Variants in CCSER2 observed in about 807,000 individuals in gnomAD.
The protein encoded by CCSER2 is coiled-coil serine rich protein 2, also known as serine-rich coiled-coil domain-containing protein 2.
CCSER2 carries 46 observed loss-of-function variants against 92.3 expected under a neutral mutation model. That is an observed-to-expected ratio of 0.50 (90% CI 0.39 to 0.64). CCSER2 has a LOEUF of 0.64. CCSER2 is among the 30% of genes least tolerant of loss of function. CCSER2 has a pLI of 0.00. For synonymous variants in CCSER2, 433 were observed against 431.4 expected, an observed-to-expected ratio of 1.00 and a Z score of -0.04; for missense variants, 1,244 against 1,238.9, an observed-to-expected ratio of 1.00 and a Z score of -0.06.
At position 84,357,607 on chromosome 10, in the gene CCSER2, G is replaced by A. The variant is rs192654430; in HGVS notation, c.-39-13407G>A. ...TGGGACTACAGGTGCCTGCCACCTC[G>A]CCCGGCTAATTTTTTTGTGTTTTTA... On this transcript the variant is annotated intron_variant, in intron 1 of 9. Transcript: ENST00000372088. Among the ~76,000 whole-genome samples, 11 of 151,958 alleles carry A rather than the reference G, an allele frequency of 7.2e-5. No homozygotes were observed. The East Asian group carries it at 2.1e-3, about 29-fold the overall frequency.
chr10:84,464,008 G>A lies in CCSER2; in HGVS notation c.2140G>A (p.Val714Ile). 1 of 1,591,496 alleles carries A rather than the reference G, an allele frequency of 6.3e-7. No homozygotes were observed. The highest frequency in any genetic ancestry group is 1.3e-5 in the African/African-American group (1 of 74,576). ...SSPEPEDGDK[V>I]YKNEDLLNEI... Reference sequence around the variant, plus strand: ...TCCAGAACCAGAAGATGGTGATAAAGTATATAAGGTATGACTATGTAGTCA... The same window carrying A: ...TCCAGAACCAGAAGATGGTGATAAAATATATAAGGTATGACTATGTAGTCA... The change falls in exon 7 of 10, where the codon GTA (valine) becomes ATA (isoleucine). Residue 714 changes from valine (V) to isoleucine (I), a missense_variant. By Grantham distance (29) the Val-to-Ile change is conservative. Transcript: ENST00000372088.
intron 9 of CCSER2, among the ~76,000 whole-genome samples, chr10:84,491,772 A>T (rs1848183247): frequency 6.6e-6 from 1 of 152,100 alleles, no homozygotes; most frequent in African/African-American, 2.4e-5. Context: ...AACAAGCCCC[A>T]GTGAGATGAA....
chr10:84,406,170 G>C lies in CCSER2; in HGVS notation c.1615-11601G>C, dbSNP rs181237031. Reference sequence around the variant, plus strand: ...GAGTGAATGAAGTCATTCTCAAAATGTTACATGCTGTATGATTCCATTTAT... The same window carrying C: ...GAGTGAATGAAGTCATTCTCAAAATCTTACATGCTGTATGATTCCATTTAT... On this transcript the variant is annotated intron_variant, in intron 3 of 9. Transcript: ENST00000372088. 5.3e-5 allele frequency among the ~76,000 whole-genome samples: 8 copies of C among 152,296 alleles called. No individual in the cohort carries two copies. In the East Asian group the frequency reaches 1.5e-3, roughly 29 times the overall value.
At chr10:84,429,389 A>G (rs917763634) in intron 5 of CCSER2, among the ~76,000 whole-genome samples, 1 of 152,132 alleles carries the variant, frequency 6.6e-6, no homozygotes, top group African/African-American at 2.4e-5. Context: ...CAACTTCACT[A>G]TATATTGTAG....
chr10:84,504,509 G>A (rs1295319452), intron 9 of CCSER2, among the ~76,000 whole-genome samples: 1 of 152,122 alleles, frequency 6.6e-6, no homozygotes, highest in Non-Finnish European at 1.5e-5. Flanking sequence ...CGACTGCACT[G>A]TCTCAGTTTA....
At chr10:84,505,775 T>G (rs1362607064) in intron 9 of CCSER2, among the ~76,000 whole-genome samples, 1 of 152,140 alleles carries the variant, frequency 6.6e-6, no homozygotes, top group African/African-American at 2.4e-5. Flanking sequence ...TCCACAAACG[T>G]AGGCATGGGT....
intron 4 of CCSER2, among the ~76,000 whole-genome samples, chr10:84,421,721 A>G (rs958792110): frequency 1.3e-5 from 2 of 152,194 alleles, no homozygotes; most frequent in Admixed American, 6.5e-5. Flanking sequence ...TGACACACCT[A>G]TAACAAAAGA....
Position 84,373,701 on chromosome 10 carries a change from ACT to A in CCSER2, c.1506_1507del (p.Pro503IlefsTer2). Reference protein sequence around the residue: ...TDYRAGSSFELSPSDSSDGTY... With the variant: ...TDYRAGSSFEXSPSDSSDGTY... ...ACTACAGAGCTGGTTCTTCGTTTGA[ACT>A]CTCTCCATCTGATAGCTCTGATGGA... On this transcript the variant is annotated frameshift_variant, in exon 3 of 10. Coordinates refer to ENST00000372088, the MANE Select transcript of CCSER2 (RefSeq NM_001284240.2). LOFTEE classifies it high-confidence loss of function. 6.2e-7 allele frequency: 1 copy of A among 1,613,500 alleles called. No individual in the cohort carries two copies. The highest frequency in any genetic ancestry group is 1.7e-5 in the Admixed American group (1 of 59,922).
In CCSER2 at chr10:84,392,015, A is replaced by G. The variant is rs1366040608; in HGVS notation, c.1614+18200A>G. 12 of 1,292,340 alleles carry G rather than the reference A, an allele frequency of 9.3e-6. No individual in the cohort carries two copies. In the East Asian group the frequency reaches 2.8e-4, roughly 30 times the overall value. 80.1% of individuals were successfully genotyped at this position (1,292,340 alleles called of 1,614,324 possible). A position where few individuals can be genotyped will look rare whatever the true frequency, so the allele number is the denominator to read the frequency against. On this transcript the variant is annotated intron_variant, in intron 3 of 9. Transcript: ENST00000372088. Reference sequence around the variant, plus strand: ...TCTCTGACCAGTTTCCTCTTCCCTTAAAAAGAGCGTCTTGCAGCTGTTTAT... The same window carrying G: ...TCTCTGACCAGTTTCCTCTTCCCTTGAAAAGAGCGTCTTGCAGCTGTTTAT...
Position 84,372,155 on chromosome 10 carries a change from T to C in CCSER2, c.1103T>C (p.Ile368Thr), listed in dbSNP as rs1394080046. 1 of 1,613,542 alleles carries C rather than the reference T, an allele frequency of 6.2e-7. No individual in the cohort carries two copies. The highest frequency in any genetic ancestry group is 8.5e-7 in the Non-Finnish European group (1 of 1,179,770). Residue 368 changes from isoleucine to threonine, a missense_variant, in exon 2 of 10, where the codon ATT (isoleucine) becomes ACT (threonine). By Grantham distance (89) the Ile-to-Thr change is moderately conservative. Transcript: ENST00000372088. ...GCTGCTAATAAGGACCAAGAACTGA[T>C]TGAAAATGAAAGTTATAGAACAAAA... is the stretch of plus-strand genomic sequence containing the variant. Reference protein sequence around the residue: ...DRAANKDQELIENESYRTKNN... With the variant: ...DRAANKDQELTENESYRTKNN...
intron 5 of CCSER2, among the ~76,000 whole-genome samples, chr10:84,436,680 G>C (rs981828490): frequency 7.9e-5 from 12 of 151,594 alleles, no homozygotes; most frequent in Non-Finnish European, 1.8e-4. Flanking sequence ...GCGGGAGGCA[G>C]GTGTGTTGAG....
At chr10:84,347,267 G>A (rs1454348795) in intron 1 of CCSER2, among the ~76,000 whole-genome samples, 3 of 152,176 alleles carry the variant, frequency 2.0e-5, no homozygotes, top group Non-Finnish European at 4.4e-5. Context: ...TCGTCATCAT[G>A]GCCTGTTCTC....
At chr10:84,406,493 C>T (rs913379513) in intron 3 of CCSER2, among the ~76,000 whole-genome samples, 7 of 152,228 alleles carry the variant, frequency 4.6e-5, no homozygotes, top group East Asian at 1.9e-4. Context: ...ACTGACCCAC[C>T]GTCTCACAGT....
chr10:84,360,003 G>A (rs1174278771), intron 1 of CCSER2, among the ~76,000 whole-genome samples: 1 of 151,910 alleles, frequency 6.6e-6, no homozygotes, highest in African/African-American at 2.4e-5. Context: ...TAGTAGAGAT[G>A]GGGTTTCACC....
At chr10:84,492,756 C>T (rs1381730804) in intron 9 of CCSER2, among the ~76,000 whole-genome samples, 1 of 152,158 alleles carries the variant, frequency 6.6e-6, no homozygotes, top group Non-Finnish European at 1.5e-5. Context: ...GTTGATTGCA[C>T]TGATTGATTT....
rs1450908209 is a variant in CCSER2 at position 84,514,355 on chromosome 10, T to C, written c.*88T>C. ...TGCAGCTTGCAGCTTGCTACTGTGGTGGAGGTTCCATTGAAAGCCTGCAAA... is the reference window on the plus strand; with the variant it reads ...TGCAGCTTGCAGCTTGCTACTGTGGCGGAGGTTCCATTGAAAGCCTGCAAA... On this transcript the variant is annotated 3_prime_UTR_variant, in exon 10 of 10. Coordinates refer to ENST00000372088, the MANE Select transcript of CCSER2 (RefSeq NM_001284240.2). 2.1e-6 allele frequency: 2 copies of C among 931,044 alleles called. No homozygotes were observed. Among genetic ancestry groups the C allele is most frequent in the Non-Finnish European group, 3.1e-6 (2 of 638,776 alleles). The allele number at this position is 931,044 out of a possible 1,614,324, so 57.7% of individuals were successfully genotyped here. A position where few individuals can be genotyped will look rare whatever the true frequency, so the allele number is the denominator to read the frequency against.
chr10:84,488,347 T>A (rs1847934693), intron 9 of CCSER2, among the ~76,000 whole-genome samples: 2 of 152,210 alleles, frequency 1.3e-5, no homozygotes, highest in African/African-American at 4.8e-5. Context: ...CTGGTAGAAT[T>A]CGGCTGTGAA....
At chr10:84,334,086 G>A (rs967583341) in intron 1 of CCSER2, among the ~76,000 whole-genome samples, 4 of 152,152 alleles carry the variant, frequency 2.6e-5, no homozygotes, top group Non-Finnish European at 5.9e-5. Flanking sequence ...GGGAGGATGG[G>A]GGAAGAGCCA....
Position 84,438,684 on chromosome 10 carries a change from A to G in CCSER2, c.2041A>G (p.Lys681Glu). The stretch of plus-strand genomic sequence containing the variant: ...CACTGCTGTAAAAACTCAGTTACTC[A>G]AACTGAAACGTCTCCTGCATCAGGT... ...DCTAVKTQLL[K>E]LKRLLHQHDG... The change falls in exon 6 of 10, where the codon AAA (lysine) becomes GAA (glutamate). Residue 681 changes from lysine to glutamate, a missense_variant. Physicochemically the swap from Lys to Glu is moderately conservative, Grantham distance 56. Transcript: ENST00000372088. 6.2e-7 allele frequency: 1 copy of G among 1,606,966 alleles called. No individual in the cohort carries two copies. The highest frequency in any genetic ancestry group is 1.7e-4 in the Middle Eastern group (1 of 6,028).
Sources: allele counts gnomAD v4.1 joint callset (sites outside exome capture counted in the v4.1 genomes callset), GRCh38; gene constraint gnomAD v4.1.1; transcripts MANE v1.5; gene names NCBI Gene and HGNC (gene_info 2026-07-23, HGNC 2026-07-21).